DUSP16: variants seen among roughly 807,000 people sequenced by gnomAD.
The protein encoded by DUSP16 is dual specificity protein phosphatase 16.
A neutral mutation model predicts 58.3 loss-of-function variants in DUSP16; 21 were observed. That is an observed-to-expected ratio of 0.36 (90% CI 0.26 to 0.52). The LOEUF (loss-of-function observed/expected upper bound fraction) is 0.52. DUSP16 is among the 20% of genes least tolerant of loss of function. The pLI, the probability that DUSP16 is intolerant of heterozygous loss-of-function variation, is 0.94. For missense variants in DUSP16, 726 were observed against 819.0 expected (o/e 0.89, Z 1.39); for synonymous variants, 320 against 323.8 (o/e 0.99, Z 0.12).
At chr12:12,513,476 C>T (rs978871327) in intron 3 of DUSP16, among the ~76,000 whole-genome samples, 3 of 152,114 alleles carry the variant, frequency 2.0e-5, no homozygotes, top group African/African-American at 7.2e-5. Flanking sequence ...GACAAAATTC[C>T]AGAAGACTCT....
At chr12:12,561,561 C>G (rs1381059175) in intron 1 of DUSP16, among the ~76,000 whole-genome samples, 1 of 152,188 alleles carries the variant, frequency 6.6e-6, no homozygotes, top group Non-Finnish European at 1.5e-5. Context: ...AGACCCGAGC[C>G]CCTGTCCGAA....
At chr12:12,493,833 C>T (rs1309812428) in intron 4 of DUSP16, among the ~76,000 whole-genome samples, 3 of 152,218 alleles carry the variant, frequency 2.0e-5, no homozygotes, top group African/African-American at 7.2e-5. Flanking sequence ...ATCCCCAGCC[C>T]TCTTACCCTG....
At chr12:12,497,406 G>A (rs964003886) in intron 4 of DUSP16, among the ~76,000 whole-genome samples, 1 of 152,072 alleles carries the variant, frequency 6.6e-6, no homozygotes, top group Non-Finnish European at 1.5e-5. Context: ...CAGAAGATGG[G>A]CATTTTTGGT....
intron 5 of DUSP16, among the ~76,000 whole-genome samples, chr12:12,483,018 CT>C (rs1943603628): frequency 6.6e-6 from 1 of 152,134 alleles, no homozygotes; most frequent in South Asian, 2.1e-4. Flanking sequence ...CCAAGGCTAC[CT>C]TTTTAACGCA....
At chr12:12,536,704 C>T (rs1210747118) in intron 1 of DUSP16, among the ~76,000 whole-genome samples, 1 of 151,864 alleles carries the variant, frequency 6.6e-6, no homozygotes, top group Non-Finnish European at 1.5e-5. Flanking sequence ...AAGATCGCTG[C>T]CATTGCAATC....
chr12:12,493,297 A>G (rs1943786528), intron 4 of DUSP16, among the ~76,000 whole-genome samples: 1 of 151,894 alleles, frequency 6.6e-6, no homozygotes. Flanking sequence ...CTACCATCCA[A>G]TCCTATTGGC....
At position 12,480,272 on chromosome 12, in the gene DUSP16, T is replaced by C. The variant is rs549253287; in HGVS notation, c.766A>G (p.Ile256Val). The C allele has an allele frequency of 4.3e-6, 7 of 1,614,218 alleles. No homozygotes were observed. The highest frequency in any genetic ancestry group is 2.7e-5 in the African/African-American group (2 of 75,064). ...AGISRSATIA[I>V]AYIMKRMDMS... ...TCCATCCTCTTCATGATGTAGGCGA[T>C]AGCGATGGTGGCGGAGCGGGAGATC... is the stretch of plus-strand genomic sequence containing the variant. Residue 256 changes from isoleucine to valine, a missense_variant, in exon 6 of 7, where the codon ATC (isoleucine) becomes GTC (valine). Transcript: ENST00000298573.
At chr12:12,539,726 T>G (rs1199175916) in intron 1 of DUSP16, among the ~76,000 whole-genome samples, 3 of 147,284 alleles carry the variant, frequency 2.0e-5, no homozygotes, top group African/African-American at 7.6e-5. Flanking sequence ...TCACCACCCT[T>G]CTCAAGGTTG....
intron 1 of DUSP16, among the ~76,000 whole-genome samples, chr12:12,548,014 A>T (rs1301772879): frequency 6.6e-6 from 1 of 152,160 alleles, no homozygotes; most frequent in African/African-American, 2.4e-5. Flanking sequence ...AACCCTGACT[A>T]AGCAGTACCA....
intron 1 of DUSP16, among the ~76,000 whole-genome samples, chr12:12,528,580 C>T (rs1237245452): frequency 6.6e-6 from 1 of 152,170 alleles, no homozygotes; most frequent in Admixed American, 6.5e-5. Flanking sequence ...TTCATCAGGC[C>T]TACTGTAACT....
At chr12:12,523,185 C>T (rs1437554710) in intron 1 of DUSP16, among the ~76,000 whole-genome samples, 1 of 152,150 alleles carries the variant, frequency 6.6e-6, no homozygotes, top group Non-Finnish European at 1.5e-5. Context: ...CCTCTCTAAA[C>T]CACAGTTTCT....
At chr12:12,489,721 A>C (rs1259882352) in intron 4 of DUSP16, among the ~76,000 whole-genome samples, 1 of 152,252 alleles carries the variant, frequency 6.6e-6, no homozygotes, top group Non-Finnish European at 1.5e-5. Context: ...AGGACTGTCA[A>C]AATTGATTTT....
intron 4 of DUSP16, 42 bp downstream of exon 4, chr12:12,500,477 C>T: frequency 6.5e-7 from 1 of 1,542,722 alleles, no homozygotes; most frequent in Non-Finnish European, 8.7e-7. Flanking sequence ...CTCCAGCTAA[C>T]AATATAAACC....
intron 6 of DUSP16, among the ~76,000 whole-genome samples, chr12:12,478,952 TTA>T (rs1943511427): frequency 6.6e-6 from 1 of 152,160 alleles, no homozygotes; most frequent in Non-Finnish European, 1.5e-5. Context: ...GAACTACCCT[TTA>T]TCAGGTGGGT....
chr12:12,506,025 T>C (rs558691627), intron 3 of DUSP16: 1 of 152,348 alleles, frequency 6.6e-6, no homozygotes, highest in East Asian at 1.9e-4. Context: ...CTGATCTTTA[T>C]CTATGACAAT....
intron 1 of DUSP16, among the ~76,000 whole-genome samples, chr12:12,550,256 G>C (rs1049191343): frequency 5.5e-5 from 8 of 146,442 alleles, no homozygotes; most frequent in East Asian, 2.0e-4. Flanking sequence ...CTGGGTGACA[G>C]AGTGAGACTC....
rs142402023 is a variant in DUSP16, at chr12:12,510,127, C to T, written c.368-9445G>A. 4.2e-3 allele frequency among the ~76,000 whole-genome samples: 645 copies of T among 151,976 alleles called. 6 individuals carry two copies. Among genetic ancestry groups the T allele is most frequent in the African/African-American group, 0.014 (595 of 41,412 alleles). Reference sequence around the variant, plus strand: ...GACTCCACACCGGTGTGGAGAGTCCCGTAATATATCTCCATGGCTCAGGGA... The same window carrying T: ...GACTCCACACCGGTGTGGAGAGTCCTGTAATATATCTCCATGGCTCAGGGA... On this transcript the variant is annotated intron_variant, in intron 3 of 6. Transcript: ENST00000298573.
rs1336372910 is a variant in DUSP16, at chr12:12,503,068, G to GT, written c.368-2387dup. On this transcript the variant is annotated intron_variant, in intron 3 of 6. Coordinates refer to ENST00000298573, the MANE Select transcript of DUSP16 (RefSeq NM_030640.3). ...ACTTTCTAGTTGTCTGATTTGTCAA[G>GT]TTACTTAAGCCCCTCCTACTCTAAT... Among the ~76,000 whole-genome samples, 8 of 3,062 alleles carry GT rather than the reference G, an allele frequency of 2.6e-3. No homozygotes were observed. In the Admixed American group the frequency reaches 0.03, roughly 12 times the overall value. 2.0% of individuals were successfully genotyped at this position (3,062 alleles called of 152,430 possible). A position where few individuals can be genotyped will look rare whatever the true frequency, so the allele number is the denominator to read the frequency against.
intron 1 of DUSP16, among the ~76,000 whole-genome samples, chr12:12,540,955 T>C (rs1400986163): frequency 3.9e-4 from 27 of 69,294 alleles, no homozygotes; most frequent in African/African-American, 8.4e-4. Context: ...TTTTCTTTTT[T>C]TTTTTTTTTT....
Sources: allele counts gnomAD v4.1 joint callset (sites outside exome capture counted in the v4.1 genomes callset), GRCh38; gene constraint gnomAD v4.1.1; transcripts MANE v1.5; gene names NCBI Gene and HGNC (gene_info 2026-07-23, HGNC 2026-07-21).